The following DHRSX variants were observed in gnomAD, a reference collection of about 807,000 sequenced individuals.
DHRSX encodes polyprenol dehydrogenase.
A neutral mutation model predicts 34.0 loss-of-function variants in DHRSX; 31 were observed. That is an observed-to-expected ratio of 0.91 (90% CI 0.69 to 1.23). The LOEUF (loss-of-function observed/expected upper bound fraction) is 1.23, where lower values mean the gene tolerates loss of function less well. Among genes scored for constraint, DHRSX ranks in the 50% most tolerant of loss-of-function variants. The pLI is 0.00. For missense variants in DHRSX, 414 were observed against 428.1 expected (o/e 0.97, Z 0.29); for synonymous variants, 201 against 183.8 (o/e 1.09, Z -0.76).
At chrX:2,476,643 ACGC>A (rs994958915) in intron 1 of DHRSX, among the ~76,000 whole-genome samples, 7 of 152,288 alleles carry the variant, frequency 4.6e-5, no homozygotes, top group African/African-American at 1.4e-4. Context: ...CCTCAAAACA[ACGC>A]CACGTAGACT....
At chrX:2,245,920 C>G (rs2016268572) in intron 5 of DHRSX, among the ~76,000 whole-genome samples, 1 of 147,322 alleles carries the variant, frequency 6.8e-6, no homozygotes, top group Non-Finnish European at 1.5e-5. Flanking sequence ...TGAGATTGTA[C>G]CACTGCACTC....
At chrX:2,321,993 T>A (rs1325183436) in intron 3 of DHRSX, among the ~76,000 whole-genome samples, 1 of 152,144 alleles carries the variant, frequency 6.6e-6, no homozygotes. Context: ...TATCTTTCCA[T>A]AAGTGATTGG....
chrX:2,491,350 G>GT (rs2045139650), intron 1 of DHRSX, among the ~76,000 whole-genome samples: 3 of 152,198 alleles, frequency 2.0e-5, no homozygotes, highest in Admixed American at 2.0e-4. Flanking sequence ...GATGACAGGC[G>GT]TGAGTCACCG....
chrX:2,336,013 GT>G (rs748158931), intron 3 of DHRSX, among the ~76,000 whole-genome samples: 305 of 151,844 alleles, frequency 2.0e-3, no homozygotes, highest in African/African-American at 6.7e-3. Context: ...TTTTGTTTTT[GT>G]TTTTTTGTTG....
At chrX:2,402,272 CCT>C (rs1288146078) in intron 3 of DHRSX, among the ~76,000 whole-genome samples, 10 of 152,248 alleles carry the variant, frequency 6.6e-5, no homozygotes, top group Non-Finnish European at 1.3e-4. Flanking sequence ...CATTCAGCTC[CCT>C]CTGTCCCTCG....
intron 4 of DHRSX, 107 bp from the exon 5 acceptor site, chrX:2,267,054 G>A: frequency 8.7e-7 from 1 of 1,146,406 alleles, no homozygotes. Context: ...CGGAGGGTGG[G>A]GTGTAGAGCT....
At chrX:2,421,058 G>A (rs1262016652) in intron 2 of DHRSX, among the ~76,000 whole-genome samples, 15 of 152,012 alleles carry the variant, frequency 9.9e-5, no homozygotes, top group African/African-American at 2.4e-5. Flanking sequence ...GGTTATATGA[G>A]GAATGGAACT....
chrX:2,395,275 T>C (rs1569496941), intron 3 of DHRSX, among the ~76,000 whole-genome samples: 1 of 152,074 alleles, frequency 6.6e-6, no homozygotes, highest in Admixed American at 6.6e-5. Context: ...AACCCCTCCC[T>C]GCCCGTGTGA....
chrX:2,245,469 C>G (rs1159864303), intron 5 of DHRSX, among the ~76,000 whole-genome samples: 1 of 151,444 alleles, frequency 6.6e-6, no homozygotes, highest in Non-Finnish European at 1.5e-5. Flanking sequence ...CCACCACGCC[C>G]GGCTAATTTT....
chrX:2,232,580 TA>T (rs2015921598), intron 6 of DHRSX, among the ~76,000 whole-genome samples: 3 of 151,906 alleles, frequency 2.0e-5, no homozygotes, highest in African/African-American at 2.4e-5. Flanking sequence ...CATTTTTTTT[TA>T]TTTTTTATTA....
intron 3 of DHRSX, among the ~76,000 whole-genome samples, chrX:2,358,936 G>C (rs1052657145): frequency 6.8e-6 from 1 of 146,792 alleles, no homozygotes; most frequent in African/African-American, 2.5e-5. Flanking sequence ...GCGACAGAGT[G>C]AGACTCTGTC....
At position 2,259,379 on chromosome X, in the gene DHRSX, T is replaced by G. The variant is rs865806234; in HGVS notation, c.596+7361A>C. ...AGATAGATATAGATATATATAGATA[T>G]ATATATAGATATATAGATATATATA... On this transcript the variant is annotated intron_variant, in intron 5 of 6. Coordinates refer to ENST00000334651, the MANE Select transcript of DHRSX (RefSeq NM_145177.3). Among the ~76,000 whole-genome samples, 27 of 67,348 alleles carry G rather than the reference T, an allele frequency of 4.0e-4. No homozygotes were observed. The South Asian group carries it at 4.1e-3, about 10-fold the overall frequency. The allele number at this position is 67,348 out of a possible 152,430, so 44.2% of individuals were successfully genotyped here.
At chrX:2,257,076 C>T (rs1013284888) in intron 5 of DHRSX, among the ~76,000 whole-genome samples, 46 of 152,212 alleles carry the variant, frequency 3.0e-4, no homozygotes, top group Non-Finnish European at 5.3e-4. Flanking sequence ...CTGCCTCAGC[C>T]TTCCGAGTAG....
chrX:2,243,588 G>A (rs1201725439), intron 5 of DHRSX, among the ~76,000 whole-genome samples: 1 of 151,856 alleles, frequency 6.6e-6, no homozygotes, highest in African/African-American at 2.4e-5. Context: ...CCCGGTTCAA[G>A]TGATTCTCCT....
chrX:2,489,013 C>T (rs777548775), intron 1 of DHRSX: 21 of 1,611,346 alleles, frequency 1.3e-5, no homozygotes, highest in Non-Finnish European at 1.7e-5. Context: ...TCAGCTCCTC[C>T]ACCACCTGGG....
intron 3 of DHRSX, among the ~76,000 whole-genome samples, chrX:2,384,948 A>T (rs909956186): frequency 7.4e-5 from 11 of 148,928 alleles, no homozygotes; most frequent in South Asian, 2.2e-4. Context: ...AAAAGAAAAA[A>T]AAATATATAT....
chrX:2,487,255 T>C (rs1463400692), intron 1 of DHRSX: 1 of 152,242 alleles, frequency 6.6e-6, no homozygotes, highest in Non-Finnish European at 1.5e-5. Flanking sequence ...TCAAGAGTCC[T>C]TTCCGGTAAT....
At position 2,248,628 on chromosome X, in the gene DHRSX, A is replaced by AAAAAG. The variant is rs1556433591; in HGVS notation, c.597-5403_597-5399dup. On this transcript the variant is annotated intron_variant, in intron 5 of 6. Coordinates refer to ENST00000334651, the MANE Select transcript of DHRSX (RefSeq NM_145177.3). Reference sequence around the variant, plus strand: ...GACTCTGTCTCAAAAAAAAAAAAAGAAAAAGAAAAGAAAAGAAAAAGAAAG... The same window carrying AAAAAG: ...GACTCTGTCTCAAAAAAAAAAAAAGAAAAAGAAAAGAAAAGAAAAGAAAAAGAAAG... Among the ~76,000 whole-genome samples, 17 of 104,270 alleles carry AAAAAG rather than the reference A, an allele frequency of 1.6e-4. No individual in the cohort carries two copies. The East Asian group carries it at 1.7e-3, about 10-fold the overall frequency. 68.4% of individuals were successfully genotyped at this position (104,270 alleles called of 152,430 possible). A position where few individuals can be genotyped will look rare whatever the true frequency, so the allele number is the denominator to read the frequency against.
chrX:2,359,269 T>C (rs763356170), intron 3 of DHRSX, among the ~76,000 whole-genome samples: 1 of 152,170 alleles, frequency 6.6e-6, no homozygotes, highest in African/African-American at 2.4e-5. Flanking sequence ...CAAAGGAACA[T>C]CAATCATTCT....
Sources: allele counts gnomAD v4.1 joint callset (sites outside exome capture counted in the v4.1 genomes callset), GRCh38; gene constraint gnomAD v4.1.1; transcripts MANE v1.5; gene names NCBI Gene and HGNC (gene_info 2026-07-23, HGNC 2026-07-21).